Variants in HS1BP3 observed in about 807,000 individuals in gnomAD.
HS1BP3 encodes the protein HCLS1 binding protein 3.
In HS1BP3, 32 loss-of-function variants were observed where a neutral mutation model predicts 33.5. That is an observed-to-expected ratio of 0.95 (90% CI 0.72 to 1.28). The LOEUF is 1.28. Ranked by LOEUF, HS1BP3 falls within the 50% of genes most tolerant of loss-of-function variation. The pLI is 0.00. For synonymous variants in HS1BP3, 187 were observed against 209.2 expected, an observed-to-expected ratio of 0.89 and a Z score of 0.92; for missense variants, 486 against 502.3, an observed-to-expected ratio of 0.97 and a Z score of 0.31.
chr2:20,563,547 G>A (rs1693053690), intron 5 of HS1BP3, among the ~76,000 whole-genome samples: 1 of 152,176 alleles, frequency 6.6e-6, no homozygotes, highest in South Asian at 2.1e-4. Context: ...GGAGGGGCAG[G>A]GGGTGGTCCA....
chr2:20,574,616 G>C (rs1266456899), intron 5 of HS1BP3, among the ~76,000 whole-genome samples: 1 of 152,192 alleles, frequency 6.6e-6, no homozygotes, highest in African/African-American at 2.4e-5. Context: ...ATGAGTGACT[G>C]TATAGCAGAA....
chr2:20,577,532 T>C (rs1693429427), intron 5 of HS1BP3, among the ~76,000 whole-genome samples: 1 of 152,192 alleles, frequency 6.6e-6, no homozygotes, highest in Admixed American at 6.5e-5. Flanking sequence ...GTTAGCGGCT[T>C]GGAGGTGTCC....
intron 5 of HS1BP3, among the ~76,000 whole-genome samples, chr2:20,584,286 T>C (rs1264805882): frequency 6.6e-6 from 1 of 152,206 alleles, no homozygotes; most frequent in Non-Finnish European, 1.5e-5. Context: ...AGAGAGATGT[T>C]CTAATCACCC....
intron 5 of HS1BP3, among the ~76,000 whole-genome samples, chr2:20,560,857 C>T (rs781278715): frequency 6.6e-6 from 1 of 152,038 alleles, no homozygotes; most frequent in Non-Finnish European, 1.5e-5. Context: ...CTGACGCCTC[C>T]CTGGGGACTG....
chr2:20,584,459 C>A (rs900925041), intron 5 of HS1BP3, among the ~76,000 whole-genome samples: 9 of 152,232 alleles, frequency 5.9e-5, no homozygotes, highest in African/African-American at 1.7e-4. Flanking sequence ...GGAATGGGGG[C>A]CATTGTGCAC....
At chr2:20,601,036 C>T (rs1195030481) in intron 2 of HS1BP3, among the ~76,000 whole-genome samples, 1 of 152,154 alleles carries the variant, frequency 6.6e-6, no homozygotes, top group Non-Finnish European at 1.5e-5. Flanking sequence ...ATTTGTTTTA[C>T]ATTGACCAGT....
downstream of HS1BP3, among the ~76,000 whole-genome samples, chr2:20,555,563 C>A (rs368418678): frequency 3.9e-5 from 6 of 152,232 alleles, no homozygotes; most frequent in South Asian, 1.2e-3. Flanking sequence ...CCCATGAAGA[C>A]GAAAGCCCCA....
At position 20,638,570 on chromosome 2, in the gene HS1BP3, A is replaced by C; in HGVS notation, c.489T>G (p.Asp163Glu). The change falls in exon 4 of 7, where the codon GAT becomes GAG. Residue 163 changes from aspartate (D) to glutamate (E), a missense_variant. Physicochemically the swap from Asp to Glu is conservative, Grantham distance 45. Transcript: ENST00000304031. ...LDGTDSQTGN[D>E]EEAFDFFEEQ... ...CCTCAAAAAAGTCGAAAGCCTCTTC[A>C]TCATTCCCTGTCTGACTGTCTGTGC... 6.2e-7 allele frequency: 1 copy of C among 1,614,242 alleles called. No individual in the cohort carries two copies. The highest frequency in any genetic ancestry group is 8.5e-7 in the Non-Finnish European group (1 of 1,180,040).
At chr2:20,593,863 C>T (rs987890195) in intron 3 of HS1BP3, among the ~76,000 whole-genome samples, 22 of 152,150 alleles carry the variant, frequency 1.4e-4, no homozygotes, top group South Asian at 2.1e-4. Context: ...CCTCCAGGGC[C>T]GGCATTGAAG....
rs948909667 is a variant in HS1BP3 at position 20,638,658 on chromosome 2, G to A, written c.407-6C>T. Reference sequence around the variant, plus strand: ...AGCCCCTGGGGATCTGGTACCTGTGGAGGAAGACAGAAAAGAATGGACTTG... The same window carrying A: ...AGCCCCTGGGGATCTGGTACCTGTGAAGGAAGACAGAAAAGAATGGACTTG... On this transcript the variant is annotated splice_region_variant and splice_polypyrimidine_tract_variant and intron_variant, in intron 3 of 6. Transcript: ENST00000304031. The A allele has an allele frequency of 9.3e-6, 15 of 1,610,136 alleles. No individual in the cohort carries two copies. Among genetic ancestry groups the A allele is most frequent in the Non-Finnish European group, 1.3e-5 (15 of 1,177,300 alleles).
chr2:20,597,358 G>A (rs1175067634), intron 3 of HS1BP3, among the ~76,000 whole-genome samples: 1 of 152,214 alleles, frequency 6.6e-6, no homozygotes, highest in Non-Finnish European at 1.5e-5. Context: ...TCAGGCTAAG[G>A]AAGGCCTTGT....
chr2:20,559,761 G>T (rs1028363934), downstream of HS1BP3, among the ~76,000 whole-genome samples: 5 of 151,972 alleles, frequency 3.3e-5, no homozygotes, highest in African/African-American at 1.2e-4. Flanking sequence ...ATGGATAGAT[G>T]GGTGGCAGAC....
At chr2:20,608,585 A>G (rs1371436437) in intron 2 of HS1BP3, among the ~76,000 whole-genome samples, 10 of 151,846 alleles carry the variant, frequency 6.6e-5, no homozygotes, top group African/African-American at 2.2e-4. Flanking sequence ...AAAAAAAAAA[A>G]AAAAAAAAAA....
At chr2:20,556,415 A>G (rs1224478832), downstream of HS1BP3, among the ~76,000 whole-genome samples, 1 of 152,186 alleles carries the variant, frequency 6.6e-6, no homozygotes, top group African/African-American at 2.4e-5. Flanking sequence ...CATCAATCCG[A>G]GTTTATGTTC....
intron 2 of HS1BP3, among the ~76,000 whole-genome samples, chr2:20,600,060 C>T (rs1398957311): frequency 6.6e-6 from 1 of 152,172 alleles, no homozygotes; most frequent in Admixed American, 6.5e-5. Flanking sequence ...AGCTTCCTTC[C>T]TGGGGAGAGT....
intron 2 of HS1BP3, among the ~76,000 whole-genome samples, chr2:20,598,699 C>T (rs1425825095): frequency 1.3e-5 from 2 of 150,024 alleles, no homozygotes; most frequent in African/African-American, 2.4e-5. Context: ...GCTGGGACTA[C>T]AGGCGCCCGC....
rs139742013 is a variant in HS1BP3, at chr2:20,569,557, A to C, written c.303-9042T>G. Among the ~76,000 whole-genome samples the C allele has an allele frequency of 2.7e-3, 413 of 152,380 alleles. 3 individuals are homozygous for C. Among genetic ancestry groups the C allele is most frequent in the African/African-American group, 9.6e-3 (399 of 41,590 alleles). ...ATTTGAAACATACTCAGGCTAAAAA[A>C]ATTCATTGATCTGAAATTCAAATGT... On this transcript the variant is annotated intron_variant, in intron 5 of 5. Transcript: ENST00000446825.
chr2:20,620,467 T>C (rs1418805774), intron 6 of HS1BP3, among the ~76,000 whole-genome samples: 1 of 152,126 alleles, frequency 6.6e-6, no homozygotes, highest in Non-Finnish European at 1.5e-5. Context: ...ATCAGGTGAG[T>C]GAAGGCAGAA....
At chr2:20,592,993 AC>A (rs1693854606) in intron 3 of HS1BP3, among the ~76,000 whole-genome samples, 2 of 152,096 alleles carry the variant, frequency 1.3e-5, no homozygotes, top group East Asian at 3.9e-4. Flanking sequence ...CCAAGTCATT[AC>A]TCTGTGCTTC....
Sources: gnomAD v4.1 joint callset for allele counts (sites outside exome capture counted in the v4.1 genomes callset) on GRCh38, gnomAD v4.1.1 for gene constraint, MANE v1.5 for transcripts, NCBI Gene and HGNC (gene_info 2026-07-23, HGNC 2026-07-21) for gene names.